The following ZMAT4 variants were observed in gnomAD, a reference collection of about 807,000 sequenced individuals.
ZMAT4 encodes zinc finger matrin-type 4, also known as zinc finger matrin-type protein 4.
A neutral mutation model predicts 28.7 loss-of-function variants in ZMAT4; 17 were observed. The observed-to-expected ratio is 0.59, with a 90% CI of 0.41 to 0.89. The LOEUF (loss-of-function observed/expected upper bound fraction) is 0.89. ZMAT4 is among the 40% of genes least tolerant of loss of function. The probability of loss-of-function intolerance (pLI) is 0.00; values close to 1 mark genes in which losing one functional copy is unlikely to be tolerated. For synonymous variants in ZMAT4, 117 were observed against 109.2 expected (o/e 1.07, Z -0.44); for missense variants, 240 against 283.8 (o/e 0.85, Z 1.11).
chr8:40,822,657 T>C (rs887648300), intron 2 of ZMAT4, among the ~76,000 whole-genome samples: 5 of 152,312 alleles, frequency 3.3e-5, no homozygotes, highest in African/African-American at 1.2e-4. Flanking sequence ...GGCCGGAAAT[T>C]GATATAAGGT....
At position 40,893,265 on chromosome 8, in the gene ZMAT4, T is replaced by C. The variant is rs151106860; in HGVS notation, c.-5+4418A>G. Among the ~76,000 whole-genome samples the C allele has an allele frequency of 6.2e-3, 950 of 152,322 alleles. 13 individuals carry two copies. Among genetic ancestry groups the C allele is most frequent in the African/African-American group, 0.022 (897 of 41,574 alleles). ...CCATGGCCCGCACGAGAGGATGCTC[T>C]GCAGGCTCCGAGAGCTTCCAGAGCT... is the stretch of plus-strand genomic sequence containing the variant. On this transcript the variant is annotated intron_variant, in intron 1 of 6. Transcript: ENST00000297737.
At chr8:40,605,200 G>A (rs1278600199) in intron 5 of ZMAT4, among the ~76,000 whole-genome samples, 2 of 152,002 alleles carry the variant, frequency 1.3e-5, no homozygotes, top group African/African-American at 4.8e-5. Context: ...GCTGACCTTT[G>A]TTATTTCTTT....
intron 5 of ZMAT4, among the ~76,000 whole-genome samples, chr8:40,584,302 G>C (rs1236298481): frequency 6.6e-6 from 1 of 152,078 alleles, no homozygotes; most frequent in East Asian, 1.9e-4. Flanking sequence ...TGTACTGAGG[G>C]CAAAGAAGAA....
At chr8:40,639,055 G>C (rs1015285192) in intron 5 of ZMAT4, among the ~76,000 whole-genome samples, 2 of 152,104 alleles carry the variant, frequency 1.3e-5, no homozygotes, top group Non-Finnish European at 2.9e-5. Context: ...GCCAACCTTC[G>C]GCCAGGTCCA....
chr8:40,807,164 G>A (rs1055513008), intron 2 of ZMAT4, among the ~76,000 whole-genome samples: 6 of 150,078 alleles, frequency 4.0e-5, no homozygotes, highest in African/African-American at 9.8e-5. Context: ...AAAGTCAGCC[G>A]GGCACAGTGG....
At chr8:40,619,735 A>G (rs117912761) in intron 5 of ZMAT4, among the ~76,000 whole-genome samples, 3,011 of 152,326 alleles carry the variant, frequency 0.02, 40 homozygotes, top group Non-Finnish European at 0.032. Context: ...AGCATCAGCT[A>G]TGCACCATGA....
At chr8:40,846,327 T>G (rs1433253104) in intron 1 of ZMAT4, among the ~76,000 whole-genome samples, 2 of 152,184 alleles carry the variant, frequency 1.3e-5, no homozygotes, top group African/African-American at 4.8e-5. Flanking sequence ...GGAAGCCAGA[T>G]TCTCCCATTT....
intron 3 of ZMAT4, among the ~76,000 whole-genome samples, chr8:40,763,959 A>G (rs1018718907): frequency 2.0e-5 from 3 of 151,942 alleles, no homozygotes; most frequent in Admixed American, 1.3e-4. Context: ...AGTTACTTAC[A>G]TTTTGCAAAA....
chr8:40,617,289 A>C (rs948099806), intron 5 of ZMAT4, among the ~76,000 whole-genome samples: 1 of 152,358 alleles, frequency 6.6e-6, no homozygotes, highest in South Asian at 2.1e-4. Flanking sequence ...GATGTACACA[A>C]GAAGTTTCTT....
At chr8:40,655,584 T>C (rs1807880147) in intron 5 of ZMAT4, among the ~76,000 whole-genome samples, 1 of 150,676 alleles carries the variant, frequency 6.6e-6, no homozygotes, top group Non-Finnish European at 1.5e-5. Flanking sequence ...ATCAAGATTG[T>C]GCGGTGTTGC....
chr8:40,685,335 T>C (rs999976088), intron 4 of ZMAT4, among the ~76,000 whole-genome samples: 9 of 152,108 alleles, frequency 5.9e-5, no homozygotes, highest in Non-Finnish European at 8.8e-5. Context: ...GCTTCTCCAA[T>C]TGAGCAATGA....
rs75589586 is a variant in ZMAT4, at chr8:40,563,305, G to C, written c.674+17860C>G. The stretch of plus-strand genomic sequence containing the variant: ...TATAAAGTCAGTCTCAAATATATTA[G>C]CATTTAAATGTTCTTTGATTATTTT... On this transcript the variant is annotated intron_variant, in intron 6 of 6. Coordinates refer to ENST00000297737, the MANE Select transcript of ZMAT4 (RefSeq NM_024645.3). Among the ~76,000 whole-genome samples, 247 of 152,196 alleles carry C rather than the reference G, an allele frequency of 1.6e-3. 1 individual carries two copies. Among genetic ancestry groups the C allele is most frequent in the Non-Finnish European group, 2.5e-3 (171 of 67,998 alleles).
intron 3 of ZMAT4, among the ~76,000 whole-genome samples, chr8:40,707,586 A>T (rs572590645): frequency 6.6e-6 from 1 of 152,150 alleles, no homozygotes; most frequent in South Asian, 2.1e-4. Flanking sequence ...ATGTAAGTCA[A>T]ATATCTTTGT....
chr8:40,812,023 CA>C (rs1431021343), intron 2 of ZMAT4, among the ~76,000 whole-genome samples: 6 of 152,096 alleles, frequency 3.9e-5, no homozygotes, highest in African/African-American at 9.7e-5. Flanking sequence ...CCCAGCTACT[CA>C]GGAGGCTGAG....
chr8:40,832,141 C>T (rs1417127948), intron 1 of ZMAT4, among the ~76,000 whole-genome samples: 1 of 152,140 alleles, frequency 6.6e-6, no homozygotes, highest in Non-Finnish European at 1.5e-5. Context: ...TCAGTTTGTC[C>T]CCTGCCACCT....
intron 3 of ZMAT4, among the ~76,000 whole-genome samples, chr8:40,745,757 C>T (rs1024603309): frequency 6.6e-6 from 1 of 152,170 alleles, no homozygotes; most frequent in African/African-American, 2.4e-5. Flanking sequence ...TCTCTAAGAT[C>T]ATCAAAATCA....
intron 1 of ZMAT4, among the ~76,000 whole-genome samples, chr8:40,844,593 A>G (rs1816815793): frequency 6.6e-6 from 1 of 151,630 alleles, no homozygotes; most frequent in Admixed American, 6.6e-5. Context: ...TAAATCTCAT[A>G]TATGTATATA....
intron 4 of ZMAT4, among the ~76,000 whole-genome samples, chr8:40,678,477 C>T (rs925773454): frequency 6.6e-6 from 1 of 152,216 alleles, no homozygotes; most frequent in Non-Finnish European, 1.5e-5. Flanking sequence ...CTGTACCAGG[C>T]TCTCCACATA....
intron 1 of ZMAT4, among the ~76,000 whole-genome samples, chr8:40,885,327 G>A (rs1018437281): frequency 9.9e-5 from 15 of 151,878 alleles, no homozygotes; most frequent in African/African-American, 3.6e-4. Context: ...AGCAAATCCT[G>A]CCAGCTCTCC....
Sources: allele counts gnomAD v4.1 joint callset (sites outside exome capture counted in the v4.1 genomes callset), GRCh38; gene constraint gnomAD v4.1.1; transcripts MANE v1.5; gene names NCBI Gene and HGNC (gene_info 2026-07-23, HGNC 2026-07-21).